The following C7 variants were observed in gnomAD, a reference collection of about 807,000 sequenced individuals.
C7 encodes the protein complement C7.
Under a neutral mutation model 104.8 loss-of-function variants are expected in C7, and 83 were observed. The observed-to-expected ratio is 0.79, with a 90% CI of 0.66 to 0.95. The LOEUF is 0.95. Among genes scored for constraint, C7 ranks in the 40% least tolerant of loss-of-function variants. The probability of loss-of-function intolerance (pLI) is 0.00; values close to 1 mark genes in which losing one functional copy is unlikely to be tolerated. For synonymous variants in C7, 415 were observed against 360.6 expected (o/e 1.15, Z -1.71); for missense variants, 1,070 against 1,011.2 (o/e 1.06, Z -0.79).
At chr5:40,937,443 A>C in intron 5 of C7, 109 bp from the exon 6 acceptor site, 4 of 1,099,454 alleles carry the variant, frequency 3.6e-6, no homozygotes, top group Non-Finnish European at 5.1e-6. Flanking sequence ...AGTGTAATGC[A>C]TTTTAAGAAT....
chr5:40,971,130 T>G (rs1740690091), intron 14 of C7, among the ~76,000 whole-genome samples: 1 of 152,178 alleles, frequency 6.6e-6, no homozygotes, highest in African/African-American at 2.4e-5. Context: ...CAAATGGTAT[T>G]TCTGGTTCTA....
intron 1 of C7, among the ~76,000 whole-genome samples, chr5:40,924,503 T>C (rs969119123): frequency 3.3e-5 from 5 of 152,182 alleles, no homozygotes; most frequent in African/African-American, 4.8e-5. Flanking sequence ...TGATCCCCTT[T>C]CCACTAATTC....
intron 14 of C7, chr5:40,972,091 GAA>G: frequency 2.0e-6 from 1 of 498,562 alleles, no homozygotes. Context: ...TGACAGCTGT[GAA>G]AAGTTTGGTT....
chr5:40,971,647 A>G (rs1740699306), intron 14 of C7, among the ~76,000 whole-genome samples: 3 of 152,216 alleles, frequency 2.0e-5, no homozygotes, highest in Non-Finnish European at 2.9e-5. Flanking sequence ...TGTTTTAGTC[A>G]TGAAGTCTTT....
chr5:40,922,707 AAAG>A (rs1353078704), intron 1 of C7, among the ~76,000 whole-genome samples: 2 of 151,956 alleles, frequency 1.3e-5, no homozygotes, highest in Non-Finnish European at 2.9e-5. Context: ...AAAAAAAAAA[AAAG>A]AAGAACATAC....
At chr5:40,950,423 A>T (rs1269263440) in intron 9 of C7, among the ~76,000 whole-genome samples, 2 of 152,140 alleles carry the variant, frequency 1.3e-5, no homozygotes, top group Non-Finnish European at 2.9e-5. Flanking sequence ...TATGGTGTAT[A>T]TGCACCACAC....
At position 40,942,857 on chromosome 5, in the gene C7, T is replaced by C. The variant is rs561335770; in HGVS notation, c.568-2341T>C. 3.3e-5 allele frequency among the ~76,000 whole-genome samples: 5 copies of C among 151,742 alleles called. No individual in the cohort carries two copies. The East Asian group carries it at 9.7e-4, about 29-fold the overall frequency. On this transcript the variant is annotated intron_variant, in intron 6 of 17. Transcript: ENST00000313164. The stretch of plus-strand genomic sequence containing the variant: ...TCGGCTCCCTGCAACCTCCGCCTCC[T>C]GGGTTCAAGCGATTCTCCTGGTTCA...
Position 40,982,341 on chromosome 5 carries a change from AC to A in C7, c.*770del, listed in dbSNP as rs760988088. On this transcript the variant is annotated 3_prime_UTR_variant, in exon 18 of 18. Transcript: ENST00000313164. ...GCATTTTTAGTAGAGATGGGGTTTC[AC>A]CATGTTGGCCACGCTCGTCTCCAAC... 1 of 149,210 alleles carries A rather than the reference AC, an allele frequency of 6.7e-6. No homozygotes were observed. Among genetic ancestry groups the A allele is most frequent in the Non-Finnish European group, 1.5e-5 (1 of 66,134 alleles). The allele number at this position is 149,210 out of a possible 1,614,324, so 9.2% of individuals were successfully genotyped here. A position where few individuals can be genotyped will look rare whatever the true frequency, so the allele number is the denominator to read the frequency against.
At chr5:40,928,998 G>T (rs533245416) in intron 2 of C7, among the ~76,000 whole-genome samples, 2 of 152,108 alleles carry the variant, frequency 1.3e-5, no homozygotes, top group African/African-American at 4.8e-5. Flanking sequence ...GGATTTTAAA[G>T]GTTGAGAGTT....
At chr5:40,941,345 T>C (rs563160313) in intron 6 of C7, among the ~76,000 whole-genome samples, 1 of 152,300 alleles carries the variant, frequency 6.6e-6, no homozygotes, top group South Asian at 2.1e-4. Flanking sequence ...ATTACAAGCG[T>C]GAGCCACTGA....
chr5:40,948,209 ATAAG>A lies in C7; in HGVS notation c.982+367_982+370del, dbSNP rs1012175624. On this transcript the variant is annotated intron_variant, in intron 8 of 17. Transcript: ENST00000313164. ...ATATTTCAGAAATCAAGATGTTTAA[ATAAG>A]TATTTCATTTACCTTTGTTTTTTAC... Among the ~76,000 whole-genome samples the A allele has an allele frequency of 7.3e-5, 11 of 151,120 alleles. No homozygotes were observed. In the Admixed American group the frequency reaches 7.3e-4, roughly 10 times the overall value.
chr5:40,977,749 T>C (rs1254751311), intron 16 of C7, among the ~76,000 whole-genome samples: 2 of 152,130 alleles, frequency 1.3e-5, no homozygotes, highest in African/African-American at 4.8e-5. Flanking sequence ...CATGTCAGCT[T>C]CCCAGGCAGG....
chr5:40,935,131 A>G (rs944862791), intron 4 of C7, among the ~76,000 whole-genome samples: 1 of 152,192 alleles, frequency 6.6e-6, no homozygotes, highest in Non-Finnish European at 1.5e-5. Context: ...TACCTGTTGA[A>G]CGCTTATTTT....
rs369303619 is a variant in C7, at chr5:40,958,145, G to T, written c.1373G>T (p.Arg458Leu). The T allele has an allele frequency of 1.2e-6, 2 of 1,613,684 alleles. No individual in the cohort carries two copies. The highest frequency in any genetic ancestry group is 3.3e-5 in the Admixed American group (2 of 59,980). Residue 458 changes from arginine to leucine, a missense_variant, in exon 11 of 18, where the codon CGG becomes CTG. Physicochemically the swap from Arg to Leu is moderately radical, Grantham distance 102. Coordinates refer to ENST00000313164, the MANE Select transcript of C7 (RefSeq NM_000587.4). ...YLDEFDPCHC[R>L]PCQNGGLATV... ...GATGAATTTGACCCCTGTCATTGCC[G>T]GCCTTGTCAAAATGGTGGTTTGGCT...
rs397961480 is a variant in C7, at chr5:40,953,639, CAAA to C, written c.1094-1732_1094-1730del. On this transcript the variant is annotated intron_variant, in intron 9 of 17. Transcript: ENST00000313164. Reference sequence around the variant, plus strand: ...CTAGCAACAGAGCAAGACTCTGTCTCAAAAAAAAAAAAAAAAAAGGAATAAATT... The same window carrying C: ...CTAGCAACAGAGCAAGACTCTGTCTCAAAAAAAAAAAAAAAGGAATAAATT... Among the ~76,000 whole-genome samples the C allele has an allele frequency of 9.6e-5, 10 of 104,128 alleles. No homozygotes were observed. In the South Asian group the frequency reaches 1.5e-3, roughly 15 times the overall value. 68.3% of individuals were successfully genotyped at this position (104,128 alleles called of 152,430 possible).
chr5:40,958,102 G>T lies in C7; in HGVS notation c.1330G>T (p.Ala444Ser), dbSNP rs749523905. The change falls in exon 11 of 18, where the codon GCT becomes TCT. Residue 444 changes from alanine to serine, a missense_variant. Ala to Ser is a moderately conservative substitution (Grantham distance 99). Transcript: ENST00000313164. ...TGTGAAAAAACTATACCTGAAATGG[G>T]CTCTTGAAGAGTATCTGGATGAATT... is the stretch of plus-strand genomic sequence containing the variant. ...ASVKKLYLKWALEEYLDEFDP... is the reference protein window; with the variant it reads ...ASVKKLYLKWSLEEYLDEFDP... The T allele has an allele frequency of 1.2e-6, 2 of 1,613,788 alleles. No individual in the cohort carries two copies. Among genetic ancestry groups the T allele is most frequent in the Admixed American group, 3.3e-5 (2 of 59,994 alleles).
At chr5:40,950,797 T>A (rs768324330) in intron 9 of C7, among the ~76,000 whole-genome samples, 1 of 152,126 alleles carries the variant, frequency 6.6e-6, no homozygotes, top group Non-Finnish European at 1.5e-5. Context: ...CTTGCTGACA[T>A]GGCTACTCCG....
intron 14 of C7, among the ~76,000 whole-genome samples, chr5:40,967,248 T>C (rs1468497801): frequency 6.6e-6 from 1 of 152,014 alleles, no homozygotes; most frequent in Non-Finnish European, 1.5e-5. Context: ...GTATTTTTAG[T>C]AGAGATGGGT....
At chr5:40,931,273 G>A in intron 3 of C7, 134 bp downstream of exon 3, 1 of 658,004 alleles carries the variant, frequency 1.5e-6, no homozygotes, top group African/African-American at 1.8e-5. Flanking sequence ...AATTTTGAGG[G>A]GAGAAAAGTA....
Sources: gnomAD v4.1 joint callset for allele counts (sites outside exome capture counted in the v4.1 genomes callset) on GRCh38, gnomAD v4.1.1 for gene constraint, MANE v1.5 for transcripts, NCBI Gene and HGNC (gene_info 2026-07-23, HGNC 2026-07-21) for gene names.